Variants in TBC1D5 observed in about 807,000 individuals in gnomAD.
TBC1D5 encodes the protein TBC1 domain family member 5, also known as TBC1 domain family, member 5.
Under a neutral mutation model 100.3 loss-of-function variants are expected in TBC1D5, and 75 were observed. The observed-to-expected ratio is 0.75, with a 90% CI of 0.62 to 0.91. TBC1D5 has a LOEUF of 0.91. Ranked by LOEUF, TBC1D5 falls within the 40% of genes least tolerant of loss-of-function variation. The pLI is 0.00. For synonymous variants in TBC1D5, 323 were observed against 325.6 expected (o/e 0.99, Z 0.09); for missense variants, 910 against 942.4 (o/e 0.97, Z 0.45).
At chr3:17,710,487 C>A (rs2074603125) in intron 1 of TBC1D5, among the ~76,000 whole-genome samples, 1 of 151,800 alleles carries the variant, frequency 6.6e-6, no homozygotes, top group African/African-American at 2.4e-5. Flanking sequence ...TCACTTGAAC[C>A]CGGGAGGCGG....
chr3:17,612,430 C>T (rs1420545611), intron 2 of TBC1D5, among the ~76,000 whole-genome samples: 1 of 151,822 alleles, frequency 6.6e-6, no homozygotes, highest in Non-Finnish European at 1.5e-5. Flanking sequence ...GAGTTCGAGA[C>T]CAGCCTGGCC....
intron 19 of TBC1D5, among the ~76,000 whole-genome samples, chr3:17,171,220 G>A (rs192360364): frequency 6.6e-6 from 1 of 152,128 alleles, no homozygotes; most frequent in Non-Finnish European, 1.5e-5. Flanking sequence ...GAGGCACCTA[G>A]AGCACGCCAT....
chr3:17,265,854 T>C (rs898956048), intron 15 of TBC1D5, among the ~76,000 whole-genome samples: 3 of 151,406 alleles, frequency 2.0e-5, no homozygotes, highest in African/African-American at 4.8e-5. Flanking sequence ...TCTCTTCTTA[T>C]AGTTTTATAG....
At chr3:17,347,033 T>G (rs559512306) in intron 13 of TBC1D5, among the ~76,000 whole-genome samples, 3 of 152,352 alleles carry the variant, frequency 2.0e-5, no homozygotes, top group Admixed American at 1.3e-4. Flanking sequence ...CAACACCAAT[T>G]AAAATTTACC....
chr3:17,539,535 T>TA (rs201095149), intron 2 of TBC1D5, among the ~76,000 whole-genome samples: 9,946 of 151,292 alleles, frequency 0.066, 625 homozygotes, highest in African/African-American at 0.17. Context: ...TGTGATGCTT[T>TA]CTTTAGTCAG....
chr3:17,621,703 CTAACT>C (rs956480096), intron 2 of TBC1D5, among the ~76,000 whole-genome samples: 2 of 132,070 alleles, frequency 1.5e-5, no homozygotes, highest in Admixed American at 7.5e-5. Flanking sequence ...AGTATTCTCG[CTAACT>C]TTTTTTTTTT....
chr3:17,274,834 C>G (rs2079813424), intron 15 of TBC1D5, among the ~76,000 whole-genome samples: 1 of 152,180 alleles, frequency 6.6e-6, no homozygotes, highest in Non-Finnish European at 1.5e-5. Context: ...AATCAAGTCA[C>G]TAAACAACTC....
intron 3 of TBC1D5, among the ~76,000 whole-genome samples, chr3:17,484,337 A>G (rs2095533972): frequency 6.6e-6 from 1 of 152,176 alleles, no homozygotes; most frequent in South Asian, 2.1e-4. Flanking sequence ...AAACTTCAGA[A>G]ACAAATTAAT....
At chr3:17,443,673 T>C (rs928045146) in intron 3 of TBC1D5, among the ~76,000 whole-genome samples, 1 of 152,166 alleles carries the variant, frequency 6.6e-6, no homozygotes. Flanking sequence ...TGGTGTATAA[T>C]CTTGAACAGA....
At chr3:17,169,357 A>G (rs2066946761) in intron 19 of TBC1D5, among the ~76,000 whole-genome samples, 8 of 152,264 alleles carry the variant, frequency 5.3e-5, no homozygotes, top group Admixed American at 5.2e-4. Context: ...TTGCATATCA[A>G]AACACTACTA....
At chr3:17,733,785 T>C (rs947344396) in intron 1 of TBC1D5, among the ~76,000 whole-genome samples, 2 of 152,078 alleles carry the variant, frequency 1.3e-5, no homozygotes, top group Non-Finnish European at 2.9e-5. Flanking sequence ...AAAAAATGGC[T>C]GGCTCCAGAT....
At chr3:17,178,324 C>G (rs922601536) in intron 19 of TBC1D5, among the ~76,000 whole-genome samples, 6 of 152,012 alleles carry the variant, frequency 3.9e-5, no homozygotes, top group African/African-American at 1.2e-4. Context: ...CTCGGCCTCC[C>G]AAAGTGCTGG....
At chr3:17,342,426 A>G (rs1235488434) in intron 13 of TBC1D5, among the ~76,000 whole-genome samples, 1 of 152,120 alleles carries the variant, frequency 6.6e-6, no homozygotes, top group Non-Finnish European at 1.5e-5. Context: ...CATGCCTCTT[A>G]TTTACAGGGC....
exon 22 of TBC1D5, chr3:17,160,754 C>T: frequency 1.6e-6 from 1 of 612,208 alleles, no homozygotes; most frequent in Non-Finnish European, 2.7e-6. Flanking sequence ...GCCCAGAAAG[C>T]CCTGTCTGCA....
chr3:17,201,232 C>T (rs971517391), intron 18 of TBC1D5, among the ~76,000 whole-genome samples: 8 of 152,056 alleles, frequency 5.3e-5, no homozygotes, highest in Non-Finnish European at 1.2e-4. Flanking sequence ...TCTTTCAGTG[C>T]AGAATTTGGA....
chr3:17,199,765 G>A (rs2071219704), intron 18 of TBC1D5, among the ~76,000 whole-genome samples: 1 of 152,216 alleles, frequency 6.6e-6, no homozygotes, highest in African/African-American at 2.4e-5. Flanking sequence ...AGAGGCCAGA[G>A]CGATTACCTG....
At chr3:17,556,844 C>G (rs989388108) in intron 2 of TBC1D5, among the ~76,000 whole-genome samples, 1 of 152,122 alleles carries the variant, frequency 6.6e-6, no homozygotes, top group African/African-American at 2.4e-5. Context: ...GTGAACTATA[C>G]TCACTGACCA....
chr3:17,431,072 G>A (rs977342559), intron 3 of TBC1D5, among the ~76,000 whole-genome samples: 13 of 151,890 alleles, frequency 8.6e-5, no homozygotes, highest in African/African-American at 2.7e-4. Context: ...AATAAAATAA[G>A]TATTAATTTT....
At chr3:17,253,249 C>T (rs2077325059) in intron 16 of TBC1D5, among the ~76,000 whole-genome samples, 1 of 152,022 alleles carries the variant, frequency 6.6e-6, no homozygotes, top group Non-Finnish European at 1.5e-5. Flanking sequence ...AGCCATGAAG[C>T]CAAGGAGTCC....
Sources: allele counts gnomAD v4.1 joint callset (sites outside exome capture counted in the v4.1 genomes callset), GRCh38; gene constraint gnomAD v4.1.1; transcripts MANE v1.5; gene names NCBI Gene and HGNC (gene_info 2026-07-23, HGNC 2026-07-21).